Variants in ITGA1 observed in about 807,000 individuals in gnomAD.
ITGA1 encodes integrin subunit alpha 1, also known as integrin alpha-1.
A neutral mutation model predicts 145.9 loss-of-function variants in ITGA1; 85 were observed. The observed-to-expected ratio is 0.58, with a 90% CI of 0.49 to 0.70. The LOEUF is 0.70. ITGA1 is among the 30% of genes least tolerant of loss of function. The pLI is 0.00. For missense variants in ITGA1, 1,351 were observed against 1,418.7 expected (o/e 0.95, Z 0.77); for synonymous variants, 520 against 495.3 (o/e 1.05, Z -0.66).
chr5:52,923,384 A>G (rs2035236), intron 18 of ITGA1, among the ~76,000 whole-genome samples: 127,494 of 151,926 alleles, frequency 0.84, 53,831 homozygotes, highest in African/African-American at 0.92. Context: ...CAGGCCGTCT[A>G]TAGTTGTTTT....
At chr5:52,801,235 T>G in intron 1 of ITGA1, 3 of 1,215,448 alleles carry the variant, frequency 2.5e-6, no homozygotes, top group Non-Finnish European at 2.3e-6. Flanking sequence ...TTAGCTGGGA[T>G]TTTCATGAGA....
intron 1 of ITGA1, among the ~76,000 whole-genome samples, chr5:52,798,558 T>C (rs1473711403): frequency 6.6e-6 from 1 of 152,102 alleles, no homozygotes; most frequent in Admixed American, 6.5e-5. Flanking sequence ...TTTTGAGGGC[T>C]CCAAATTTAA....
At chr5:52,860,503 G>A (rs1454963325) in intron 2 of ITGA1, among the ~76,000 whole-genome samples, 1 of 152,148 alleles carries the variant, frequency 6.6e-6, no homozygotes, top group Non-Finnish European at 1.5e-5. Context: ...CCAAGGTCAT[G>A]CCACTGCACT....
intron 1 of ITGA1, among the ~76,000 whole-genome samples, chr5:52,830,029 A>G (rs1749034010): frequency 6.6e-6 from 1 of 152,218 alleles, no homozygotes; most frequent in Admixed American, 6.5e-5. Flanking sequence ...AAATAAATAT[A>G]TGAATGAAGT....
At position 52,958,351 on chromosome 5, in the gene ITGA1, A is replaced by G. The variant is rs1478168191; in HGVS notation, c.*5900A>G. The G allele has an allele frequency of 6.6e-6, 1 of 152,220 alleles. No individual in the cohort carries two copies. The allele number at this position is 152,220 out of a possible 1,614,324, so 9.4% of individuals were successfully genotyped here. ...CCCATATACCCTGCCCACAATACTA[A>G]CACATGTACTTTGCATAAGTAAATT... On this transcript the variant is annotated 3_prime_UTR_variant, in exon 29 of 29. Coordinates refer to ENST00000282588, the MANE Select transcript of ITGA1 (RefSeq NM_181501.2).
chr5:52,811,860 A>G (rs1158353439), intron 1 of ITGA1, among the ~76,000 whole-genome samples: 4 of 152,158 alleles, frequency 2.6e-5, no homozygotes, highest in Admixed American at 2.6e-4. Flanking sequence ...TGCTCTTTCC[A>G]TTTGGCTAGA....
At chr5:52,868,332 A>G (rs975352662) in intron 6 of ITGA1, among the ~76,000 whole-genome samples, 2 of 152,244 alleles carry the variant, frequency 1.3e-5, no homozygotes, top group African/African-American at 2.4e-5. Context: ...AAGAAAATCC[A>G]TACGGCTCTT....
At chr5:52,825,178 T>G (rs561993598) in intron 1 of ITGA1, 1 of 152,214 alleles carries the variant, frequency 6.6e-6, no homozygotes, top group Non-Finnish European at 1.5e-5. Flanking sequence ...TTAAATAATA[T>G]TTCATATAAA....
At chr5:52,794,651 T>TAA (rs544902977) in intron 1 of ITGA1, among the ~76,000 whole-genome samples, 4 of 142,206 alleles carry the variant, frequency 2.8e-5, no homozygotes, top group Non-Finnish European at 6.2e-5. Context: ...ACAAGTTCCT[T>TAA]AAAAAAAAAA....
intron 1 of ITGA1, among the ~76,000 whole-genome samples, chr5:52,843,510 A>G (rs1421971415): frequency 6.6e-6 from 1 of 152,182 alleles, no homozygotes; most frequent in Admixed American, 6.5e-5. Context: ...TAAGAAGCCA[A>G]CAACTAAACA....
At chr5:52,803,391 A>G (rs1479033625) in intron 1 of ITGA1, 8 of 152,232 alleles carry the variant, frequency 5.3e-5, no homozygotes, top group Admixed American at 5.2e-4. Flanking sequence ...AAATGAAGCC[A>G]CTGAGATCCT....
chr5:52,937,850 C>T (rs1315834570), intron 24 of ITGA1, among the ~76,000 whole-genome samples: 1 of 152,166 alleles, frequency 6.6e-6, no homozygotes, highest in African/African-American at 2.4e-5. Flanking sequence ...CTGGTGACAA[C>T]TGGCAACCCT....
At chr5:52,861,869 C>CAA (rs11335171) in intron 3 of ITGA1, among the ~76,000 whole-genome samples, 2 of 119,398 alleles carry the variant, frequency 1.7e-5, no homozygotes, top group Admixed American at 8.6e-5. Context: ...GACCCTGTCT[C>CAA]AAAAAAAAAA....
Position 52,867,556 on chromosome 5 carries a change from A to G in ITGA1, c.624+1739A>G, listed in dbSNP as rs919402266. 3.9e-5 allele frequency among the ~76,000 whole-genome samples: 6 copies of G among 152,166 alleles called. No homozygotes were observed. The East Asian group carries it at 1.2e-3, about 30-fold the overall frequency. ...TGCATCTTAACAGACCAACTCCAGG[A>G]TGTGACTTGCTCTTCCTTCTGGCAC... On this transcript the variant is annotated intron_variant, in intron 6 of 28. Coordinates refer to ENST00000282588, the MANE Select transcript of ITGA1 (RefSeq NM_181501.2).
chr5:52,817,414 T>C (rs1284484038), intron 1 of ITGA1, among the ~76,000 whole-genome samples: 1 of 152,202 alleles, frequency 6.6e-6, no homozygotes, highest in African/African-American at 2.4e-5. Context: ...AGAATAGACG[T>C]TCAATAAATG....
At chr5:52,819,684 G>T (rs2111700967) in intron 1 of ITGA1, among the ~76,000 whole-genome samples, 1 of 152,288 alleles carries the variant, frequency 6.6e-6, no homozygotes, top group East Asian at 1.9e-4. Context: ...GGCTTTTGTT[G>T]CCATTGCTTT....
At chr5:52,850,726 C>T (rs1461862090) in intron 2 of ITGA1, among the ~76,000 whole-genome samples, 1 of 152,162 alleles carries the variant, frequency 6.6e-6, no homozygotes, top group East Asian at 1.9e-4. Context: ...ATACTTCACT[C>T]TTTTATTCTC....
At chr5:52,796,141 A>C (rs1034963976) in intron 1 of ITGA1, among the ~76,000 whole-genome samples, 18 of 152,094 alleles carry the variant, frequency 1.2e-4, no homozygotes, top group African/African-American at 4.3e-4. Flanking sequence ...TCAATTCTTC[A>C]GTGAAATAAA....
chr5:52,799,399 C>A (rs1033891042), intron 1 of ITGA1, among the ~76,000 whole-genome samples: 1 of 152,142 alleles, frequency 6.6e-6, no homozygotes, highest in Non-Finnish European at 1.5e-5. Flanking sequence ...GCGACCCAAC[C>A]CCCAACCTAA....
Sources: gnomAD v4.1 joint callset for allele counts (sites outside exome capture counted in the v4.1 genomes callset) on GRCh38, gnomAD v4.1.1 for gene constraint, MANE v1.5 for transcripts, NCBI Gene and HGNC (gene_info 2026-07-23, HGNC 2026-07-21) for gene names.